Variants in PCDH15 observed in about 807,000 individuals in gnomAD.
The protein encoded by PCDH15 is protocadherin-15.
A neutral mutation model predicts 178.5 loss-of-function variants in PCDH15; 129 were observed. The ratio of observed to expected loss-of-function variants is 0.72; its 90% confidence interval spans 0.63 to 0.84. The LOEUF (loss-of-function observed/expected upper bound fraction) is 0.84, where lower values mean the gene tolerates loss of function less well. PCDH15 is among the 40% of genes least tolerant of loss of function. The probability of loss-of-function intolerance (pLI) is 0.00; values close to 1 mark genes in which losing one functional copy is unlikely to be tolerated. For synonymous variants in PCDH15, 800 were observed against 732.0 expected (o/e 1.09, Z -1.50); for missense variants, 2,230 against 2,099.9 (o/e 1.06, Z -1.21).
intron 20 of PCDH15, among the ~76,000 whole-genome samples, chr10:54,004,098 T>TAAAAACCC (rs56361785): frequency 0.7 from 105,564 of 151,134 alleles, 37,226 homozygotes; most frequent in African/African-American, 0.8. Context: ...TCTTTCATGA[T>TAAAAACCC]AAAAACCCTC....
At chr10:53,934,193 T>G (rs2085351989) in intron 25 of PCDH15, among the ~76,000 whole-genome samples, 1 of 152,082 alleles carries the variant, frequency 6.6e-6, no homozygotes. Flanking sequence ...ACTAGGAATC[T>G]CCCAGTGAGA....
In PCDH15 at chr10:54,421,659, A is replaced by T. The variant is rs9415319; in HGVS notation, c.158-42717T>A. Among the ~76,000 whole-genome samples, 239 of 108,402 alleles carry T rather than the reference A, an allele frequency of 2.2e-3. 4 individuals carry two copies. Among genetic ancestry groups the T allele is most frequent in the African/African-American group, 5.9e-3 (173 of 29,178 alleles). 71.1% of individuals were successfully genotyped at this position (108,402 alleles called of 152,430 possible). A position where few individuals can be genotyped will look rare whatever the true frequency, so the allele number is the denominator to read the frequency against. On this transcript the variant is annotated intron_variant, in intron 3 of 37. Transcript: ENST00000644397. ...CCTACATTTATATATGTACATGTGT[A>T]GTGTATATATACATATATATATATA...
At chr10:55,545,278 T>TG (rs943202079) in intron 2 of PCDH15, among the ~76,000 whole-genome samples, 6 of 151,856 alleles carry the variant, frequency 4.0e-5, no homozygotes, top group South Asian at 2.1e-4. Flanking sequence ...TTCCTTTTTT[T>TG]TTTTTTTTAG....
intron 8 of PCDH15, among the ~76,000 whole-genome samples, chr10:54,278,661 G>C (rs1248052651): frequency 6.6e-6 from 1 of 151,536 alleles, no homozygotes. Context: ...GAAGCACTGG[G>C]ATGGAAGGGA....
At chr10:54,971,050 G>T (rs781415151) in intron 2 of PCDH15, among the ~76,000 whole-genome samples, 60 of 152,022 alleles carry the variant, frequency 3.9e-4, no homozygotes, top group Non-Finnish European at 7.2e-4. Flanking sequence ...CTAGACTTTA[G>T]GATTTTGAGT....
At chr10:55,299,485 T>A (rs1156656858) in intron 1 of PCDH15, among the ~76,000 whole-genome samples, 1 of 152,198 alleles carries the variant, frequency 6.6e-6, no homozygotes, top group Non-Finnish European at 1.5e-5. Flanking sequence ...GTTGACCTGG[T>A]TAATAGAATT....
At chr10:54,491,610 A>G (rs2079602677) in intron 3 of PCDH15, among the ~76,000 whole-genome samples, 1 of 152,154 alleles carries the variant, frequency 6.6e-6, no homozygotes, top group African/African-American at 2.4e-5. Flanking sequence ...AGCAGTGGGG[A>G]CAATTTCTTG....
chr10:54,813,800 C>G (rs1952904447), intron 3 of PCDH15, among the ~76,000 whole-genome samples: 1 of 152,124 alleles, frequency 6.6e-6, no homozygotes, highest in South Asian at 2.1e-4. Flanking sequence ...CATTTAGAAT[C>G]CATTACTGTT....
chr10:55,542,350 G>C (rs992545509), intron 2 of PCDH15, among the ~76,000 whole-genome samples: 2 of 150,518 alleles, frequency 1.3e-5, no homozygotes, highest in African/African-American at 4.9e-5. Flanking sequence ...ATATATGTTA[G>C]TGTGTATATA....
At chr10:55,479,214 C>A (rs73261683) in intron 2 of PCDH15, among the ~76,000 whole-genome samples, 1 of 151,406 alleles carries the variant, frequency 6.6e-6, no homozygotes, top group Non-Finnish European at 1.5e-5. Flanking sequence ...ACAAATAAAC[C>A]TGATGAACAT....
intron 2 of PCDH15, among the ~76,000 whole-genome samples, chr10:54,963,155 G>A (rs752296809): frequency 2.0e-5 from 3 of 152,116 alleles, no homozygotes; most frequent in Non-Finnish European, 4.4e-5. Flanking sequence ...GACATTTAAG[G>A]AAAATGGTGA....
chr10:53,816,025 ATG>A (rs2076048368), intron 35 of PCDH15, among the ~76,000 whole-genome samples: 1 of 152,180 alleles, frequency 6.6e-6, no homozygotes, highest in Non-Finnish European at 1.5e-5. Context: ...TTCCCAGAGA[ATG>A]AGGCTAAAAA....
intron 18 of PCDH15, among the ~76,000 whole-genome samples, chr10:54,066,097 T>A (rs2094132651): frequency 6.6e-6 from 1 of 152,160 alleles, no homozygotes; most frequent in African/African-American, 2.4e-5. Context: ...GGTTGATACT[T>A]CAAATTGTGC....
chr10:54,138,903 C>T (rs1221942265), intron 14 of PCDH15, among the ~76,000 whole-genome samples: 4 of 151,820 alleles, frequency 2.6e-5, no homozygotes, highest in South Asian at 4.2e-4. Context: ...TCATGTATTA[C>T]GTTTTTTTTT....
intron 2 of PCDH15, among the ~76,000 whole-genome samples, chr10:55,058,411 T>A (rs1169307859): frequency 6.6e-6 from 1 of 152,050 alleles, no homozygotes; most frequent in African/African-American, 2.4e-5. Flanking sequence ...GATTTTGCCG[T>A]CTTGCTCAGG....
intron 2 of PCDH15, among the ~76,000 whole-genome samples, chr10:54,984,311 G>A (rs1195515929): frequency 1.3e-5 from 2 of 152,110 alleles, no homozygotes; most frequent in African/African-American, 4.8e-5. Flanking sequence ...CCCCACGCAA[G>A]TCATAACGGT....
chr10:55,185,454 C>T (rs903093627), intron 1 of PCDH15, among the ~76,000 whole-genome samples: 2 of 151,680 alleles, frequency 1.3e-5, no homozygotes, highest in Admixed American at 6.6e-5. Context: ...ATGAGTGCAA[C>T]ATCAAATAAG....
Position 54,597,728 on chromosome 10 carries a change from A to C in PCDH15, c.91+66444T>G, listed in dbSNP as rs1484300061. Among the ~76,000 whole-genome samples, 10 of 152,188 alleles carry C rather than the reference A, an allele frequency of 6.6e-5. No individual in the cohort carries two copies. In the East Asian group the frequency reaches 1.7e-3, roughly 27 times the overall value. The stretch of plus-strand genomic sequence containing the variant: ...TTTTGAAAACATTAATACAATAGAT[A>C]GACCACTGGTTAAACTAAGAAAGAA... On this transcript the variant is annotated intron_variant, in intron 2 of 37. Coordinates refer to ENST00000644397, the MANE Select transcript of PCDH15 (RefSeq NM_001384140.1).
intron 8 of PCDH15, among the ~76,000 whole-genome samples, chr10:54,263,908 G>A (rs2057496441): frequency 6.6e-6 from 1 of 152,110 alleles, no homozygotes; most frequent in South Asian, 2.1e-4. Flanking sequence ...TCAGCTGCCA[G>A]CACAGCTAGG....
Sources: allele counts gnomAD v4.1 joint callset (sites outside exome capture counted in the v4.1 genomes callset), GRCh38; gene constraint gnomAD v4.1.1; transcripts MANE v1.5; gene names NCBI Gene and HGNC (gene_info 2026-07-23, HGNC 2026-07-21).